Variants in NAA15 observed in about 807,000 individuals in gnomAD.
NAA15 encodes the protein N-alpha-acetyltransferase 15, NatA auxiliary subunit, also known as N-terminal acetyltransferase.
NAA15 carries 34 observed loss-of-function variants against 114.0 expected under a neutral mutation model. The ratio of observed to expected loss-of-function variants is 0.30; its 90% CI spans 0.23 to 0.40. The LOEUF is 0.40. NAA15 is among the 10% of genes least tolerant of loss of function. The pLI, the probability that NAA15 is intolerant of heterozygous loss-of-function variation, is 1.00. For missense variants in NAA15, 658 were observed against 1,004.5 expected, an observed-to-expected ratio of 0.66 and a Z score of 4.66; for synonymous variants, 340 against 338.0, an observed-to-expected ratio of 1.01 and a Z score of -0.06.
At chr4:139,305,607 G>A (rs1429481208) in intron 1 of NAA15, among the ~76,000 whole-genome samples, 4 of 149,980 alleles carry the variant, frequency 2.7e-5, no homozygotes, top group African/African-American at 7.4e-5. Flanking sequence ...GCATGATCTC[G>A]GCTCACCGAA....
chr4:139,305,919 T>G (rs1745996308), intron 1 of NAA15, among the ~76,000 whole-genome samples: 1 of 152,246 alleles, frequency 6.6e-6, no homozygotes, highest in South Asian at 2.1e-4. Flanking sequence ...TATGATAAAC[T>G]TAAGTAGGAA....
At position 139,390,324 on chromosome 4, in the gene NAA15, G is replaced by A. The variant is rs1749023702; in HGVS notation, c.*2240G>A. On this transcript the variant is annotated 3_prime_UTR_variant, in exon 20 of 20. Coordinates refer to ENST00000296543, the MANE Select transcript of NAA15 (RefSeq NM_057175.5). ...AGGTTTACTTGATAGTGGATACATT[G>A]GTGTCAGAGGACCTTGACTGGGTTC... 1 of 152,564 alleles carries A rather than the reference G, an allele frequency of 6.6e-6. No individual in the cohort carries two copies. Among genetic ancestry groups the A allele is most frequent in the African/African-American group, 2.4e-5 (1 of 41,422 alleles). The allele number at this position is 152,564 out of a possible 1,614,324, so 9.5% of individuals were successfully genotyped here. A position where few individuals can be genotyped will look rare whatever the true frequency, so the allele number is the denominator to read the frequency against.
In NAA15 at chr4:139,315,006, T is replaced by TTTAGTTTAGTTTAGG. The variant is rs773285130; in HGVS notation, c.54+13179_54+13180insTTTAGTTTAGGTTAG. Among the ~76,000 whole-genome samples, 584 of 101,518 alleles carry TTTAGTTTAGTTTAGG rather than the reference T, an allele frequency of 5.8e-3. 19 individuals are homozygous for TTTAGTTTAGTTTAGG. Among genetic ancestry groups the TTTAGTTTAGTTTAGG allele is most frequent in the South Asian group, 0.01 (33 of 3,196 alleles). The allele number at this position is 101,518 out of a possible 152,430, so 66.6% of individuals were successfully genotyped here. ...AAGCGTTCAGTTCAGTTCAGTTTAG[T>TTTAGTTTAGTTTAGG]TTAGGTTAGGTTAGGTTAGGTTAGG... On this transcript the variant is annotated intron_variant, in intron 1 of 19. Transcript: ENST00000296543.
At chr4:139,344,140 T>C (rs760552197) in intron 5 of NAA15, 46 bp from the exon 6 acceptor site, 9 of 1,471,458 alleles carry the variant, frequency 6.1e-6, no homozygotes, top group South Asian at 2.7e-5. Flanking sequence ...TTTTCTGATA[T>C]GAAAATAAAA....
intron 14 of NAA15, among the ~76,000 whole-genome samples, chr4:139,364,392 T>C (rs1410951388): frequency 6.6e-6 from 1 of 152,088 alleles, no homozygotes; most frequent in Non-Finnish European, 1.5e-5. Context: ...ATACTTCTGC[T>C]TTGCAATTTT....
chr4:139,342,849 G>C lies in NAA15; in HGVS notation c.426G>C (p.Gln142His). ...AGGAAACGAGGTATCAGTTACTTCAGCTTCGACCTGCGCAGAGAGCATCAT... is the reference window on the plus strand; with the variant it reads ...AGGAAACGAGGTATCAGTTACTTCACCTTCGACCTGCGCAGAGAGCATCAT... ...GYRETRYQLL[Q>H]LRPAQRASWI... The change falls in exon 5 of 20, where the codon CAG becomes CAC. Residue 142 changes from glutamine to histidine, a missense_variant. Coordinates refer to ENST00000296543, the MANE Select transcript of NAA15 (RefSeq NM_057175.5). The C allele has an allele frequency of 1.2e-6, 2 of 1,612,194 alleles. No individual in the cohort carries two copies. Among genetic ancestry groups the C allele is most frequent in the Non-Finnish European group, 1.7e-6 (2 of 1,179,276 alleles).
chr4:139,338,193 T>C (rs907159976), intron 3 of NAA15, among the ~76,000 whole-genome samples: 6 of 152,146 alleles, frequency 3.9e-5, no homozygotes, highest in African/African-American at 7.2e-5. Flanking sequence ...ATATTAGTGA[T>C]AGAAATGGGA....
intron 1 of NAA15, among the ~76,000 whole-genome samples, chr4:139,319,993 A>G (rs1197840316): frequency 1.3e-5 from 2 of 152,068 alleles, no homozygotes; most frequent in South Asian, 2.1e-4. Context: ...ACAGTGAGGT[A>G]TTTTCTCCTT....
At chr4:139,338,936 G>A (rs894156049) in intron 3 of NAA15, among the ~76,000 whole-genome samples, 46 of 151,978 alleles carry the variant, frequency 3.0e-4, no homozygotes, top group Non-Finnish European at 6.6e-4. Flanking sequence ...TCAGCCTCCC[G>A]AGTAGCTGGG....
intron 1 of NAA15, among the ~76,000 whole-genome samples, chr4:139,313,156 T>A (rs560620305): frequency 1.3e-5 from 2 of 152,006 alleles, no homozygotes; most frequent in African/African-American, 4.8e-5. Context: ...GAAAGTTTGC[T>A]TTTAAAAACA....
rs1004465167 is a variant in NAA15, at chr4:139,342,859, G to A, written c.436G>A (p.Ala146Thr). The change falls in exon 5 of 20, where the codon GCG becomes ACG. Residue 146 changes from alanine (A) to threonine (T), a missense_variant. Transcript: ENST00000296543. ...GTATCAGTTACTTCAGCTTCGACCTGCGCAGAGAGCATCATGGATTGGTTA... is the reference window on the plus strand; with the variant it reads ...GTATCAGTTACTTCAGCTTCGACCTACGCAGAGAGCATCATGGATTGGTTA... ...TRYQLLQLRP[A>T]QRASWIGYAI... The A allele has an allele frequency of 6.8e-6, 11 of 1,613,896 alleles. No individual in the cohort carries two copies. The highest frequency in any genetic ancestry group is 9.3e-6 in the Non-Finnish European group (11 of 1,179,886).
intron 12 of NAA15, among the ~76,000 whole-genome samples, chr4:139,360,102 A>G (rs183869991): frequency 6.6e-6 from 1 of 152,194 alleles, no homozygotes; most frequent in Non-Finnish European, 1.5e-5. Context: ...ATGGACTTTT[A>G]AACTGGTTTA....
chr4:139,365,413 G>A (rs1748250665), intron 14 of NAA15, among the ~76,000 whole-genome samples: 1 of 152,112 alleles, frequency 6.6e-6, no homozygotes, highest in Non-Finnish European at 1.5e-5. Flanking sequence ...AAGTGAAGTA[G>A]ATTTACATCC....
At chr4:139,341,107 G>T in intron 4 of NAA15, 38 bp downstream of exon 4, 2 of 1,352,956 alleles carry the variant, frequency 1.5e-6, no homozygotes, top group Non-Finnish European at 1.9e-6. Context: ...AATTCTAAGG[G>T]GAAAATATGT....
At chr4:139,327,059 C>T (rs1257873785) in intron 1 of NAA15, among the ~76,000 whole-genome samples, 1 of 152,112 alleles carries the variant, frequency 6.6e-6, no homozygotes, top group Non-Finnish European at 1.5e-5. Flanking sequence ...CCTCAGCCTC[C>T]TGAGTAGTTG....
chr4:139,314,070 A>G (rs1746304813), intron 1 of NAA15, among the ~76,000 whole-genome samples: 1 of 152,054 alleles, frequency 6.6e-6, no homozygotes, highest in Non-Finnish European at 1.5e-5. Context: ...TAACAAATAC[A>G]TAATACTATG....
At chr4:139,317,685 G>GT (rs1287234043) in intron 1 of NAA15, among the ~76,000 whole-genome samples, 1 of 152,134 alleles carries the variant, frequency 6.6e-6, no homozygotes, top group Non-Finnish European at 1.5e-5. Flanking sequence ...CTTAATCTGT[G>GT]TTTTTTATGT....
chr4:139,376,496 C>T (rs925485357), intron 16 of NAA15, 23 bp downstream of exon 16: 2 of 1,387,620 alleles, frequency 1.4e-6, no homozygotes, highest in Non-Finnish European at 2.1e-6. Context: ...GGTACAGTGG[C>T]CCTGACAAAA....
chr4:139,347,980 C>T (rs1334777530), intron 6 of NAA15, among the ~76,000 whole-genome samples: 4 of 146,364 alleles, frequency 2.7e-5, no homozygotes, highest in Middle Eastern at 3.5e-3. Flanking sequence ...TGCAGTGAGC[C>T]GAGATTGCGC....
Sources: gnomAD v4.1 joint callset for allele counts (sites outside exome capture counted in the v4.1 genomes callset) on GRCh38, gnomAD v4.1.1 for gene constraint, MANE v1.5 for transcripts, NCBI Gene and HGNC (gene_info 2026-07-23, HGNC 2026-07-21) for gene names.